The following GSG1L variants were observed in gnomAD, a reference collection of about 807,000 sequenced individuals.
GSG1L encodes GSG1 like, also known as germ cell-specific gene 1-like protein.
Under a neutral mutation model 42.1 loss-of-function variants are expected in GSG1L, and 24 were observed. That is an observed-to-expected ratio of 0.57 (90% CI 0.41 to 0.80). GSG1L has a LOEUF of 0.80. Ranked by LOEUF, GSG1L falls within the 30% of genes least tolerant of loss-of-function variation. The pLI is 0.00. For missense variants in GSG1L, 445 were observed against 472.2 expected (o/e 0.94, Z 0.53); for synonymous variants, 215 against 203.5 (o/e 1.06, Z -0.48).
chr16:27,835,289 T>C (rs1220866010), intron 4 of GSG1L, among the ~76,000 whole-genome samples: 2 of 152,182 alleles, frequency 1.3e-5, no homozygotes, highest in Non-Finnish European at 2.9e-5. Context: ...TGCCTGAGTC[T>C]ACTTTATCTA....
At chr16:27,797,078 T>C (rs1028920314) in intron 6 of GSG1L, among the ~76,000 whole-genome samples, 5 of 152,168 alleles carry the variant, frequency 3.3e-5, no homozygotes, top group African/African-American at 1.2e-4. Context: ...GCCATTATTA[T>C]CCCCATTTTA....
chr16:27,824,442 G>C (rs1036417877), intron 5 of GSG1L, among the ~76,000 whole-genome samples: 15 of 152,142 alleles, frequency 9.9e-5, no homozygotes, highest in African/African-American at 3.6e-4. Context: ...CCTGGCTGCG[G>C]CTCCAAGGAT....
chr16:27,790,348 C>T lies in GSG1L; in HGVS notation c.*1022G>A, dbSNP rs536607144. ...AAATTCTTCTGGGAAGGAATAAGGC[C>T]TCTTGGGAAATGACTGAACTTGGAG... On this transcript the variant is annotated 3_prime_UTR_variant, in exon 7 of 7. Coordinates refer to ENST00000447459, the MANE Select transcript of GSG1L (RefSeq NM_001109763.2). The T allele has an allele frequency of 6.6e-5, 10 of 152,246 alleles. No individual in the cohort carries two copies. Among genetic ancestry groups the T allele is most frequent in the African/African-American group, 2.4e-4 (10 of 41,550 alleles). 9.4% of individuals were successfully genotyped at this position (152,246 alleles called of 1,614,324 possible).
chr16:27,994,446 T>C (rs1436610148), intron 1 of GSG1L, among the ~76,000 whole-genome samples: 1 of 152,198 alleles, frequency 6.6e-6, no homozygotes, highest in East Asian at 1.9e-4. Context: ...TTAACATTGC[T>C]CTAACTCTTG....
intron 3 of GSG1L, among the ~76,000 whole-genome samples, chr16:27,868,184 C>T (rs2083756629): frequency 6.6e-6 from 1 of 152,210 alleles, no homozygotes; most frequent in South Asian, 2.1e-4. Context: ...AAGGATGTGG[C>T]GGAATTTAAA....
Position 27,884,674 on chromosome 16 carries a change from G to C in GSG1L, c.398-36C>G. 6.5e-7 allele frequency: 1 copy of C among 1,548,610 alleles called. No homozygotes were observed. Among genetic ancestry groups the C allele is most frequent in the Non-Finnish European group, 8.7e-7 (1 of 1,144,806 alleles). On this transcript the variant is annotated intron_variant, in intron 2 of 6. Transcript: ENST00000447459. The surrounding 1 kb of genome is among the most constrained non-coding windows in gnomAD (Gnocchi z 4.4). Reference sequence around the variant, plus strand: ...GAGGCAGAGAGGCCGTGAGATGAGGGGCCACCCAAGATAGACTCACCCTGT... The same window carrying C: ...GAGGCAGAGAGGCCGTGAGATGAGGCGCCACCCAAGATAGACTCACCCTGT...
intron 1 of GSG1L, among the ~76,000 whole-genome samples, chr16:28,000,923 C>CT (rs1032647814): frequency 4.6e-5 from 7 of 152,184 alleles, no homozygotes; most frequent in Non-Finnish European, 1.0e-4. Flanking sequence ...CCCCACCATT[C>CT]TCCTTGCCTG....
chr16:27,896,703 C>CA (rs1163930195), intron 2 of GSG1L, among the ~76,000 whole-genome samples: 1 of 152,128 alleles, frequency 6.6e-6, no homozygotes, highest in Non-Finnish European at 1.5e-5. Context: ...GGGTCAGAGA[C>CA]AGAGAAGGAG....
intron 2 of GSG1L, among the ~76,000 whole-genome samples, chr16:27,934,451 C>CTAT (rs2084692345): frequency 6.6e-6 from 1 of 152,196 alleles, no homozygotes; most frequent in Non-Finnish European, 1.5e-5. Context: ...AGGAGAATCG[C>CTAT]TTGAACCTGG....
At chr16:28,050,738 CA>C (rs2086213314) in intron 1 of GSG1L, among the ~76,000 whole-genome samples, 1 of 152,142 alleles carries the variant, frequency 6.6e-6, no homozygotes. Flanking sequence ...TATTAGCCTT[CA>C]CCAACTCAGA....
chr16:27,856,962 G>A (rs1471412269), intron 3 of GSG1L, among the ~76,000 whole-genome samples: 1 of 152,208 alleles, frequency 6.6e-6, no homozygotes, highest in Non-Finnish European at 1.5e-5. Context: ...GCACACACCA[G>A]TTCTCTTGGA....
At chr16:27,870,481 G>C (rs1440322649) in intron 3 of GSG1L, among the ~76,000 whole-genome samples, 1 of 150,908 alleles carries the variant, frequency 6.6e-6, no homozygotes, top group Non-Finnish European at 1.5e-5. Flanking sequence ...CCTTAAGTGT[G>C]TGTCTCCCTC....
At chr16:28,050,948 C>T (rs1044540792) in intron 1 of GSG1L, among the ~76,000 whole-genome samples, 17 of 152,262 alleles carry the variant, frequency 1.1e-4, no homozygotes, top group African/African-American at 2.2e-4. Flanking sequence ...AGGTTACATG[C>T]GCAAATGAAG....
intron 3 of GSG1L, among the ~76,000 whole-genome samples, chr16:27,875,180 C>A (rs1447236988): frequency 6.6e-6 from 1 of 152,170 alleles, no homozygotes; most frequent in Non-Finnish European, 1.5e-5. Context: ...GTGGAGAAGG[C>A]TGGAGATTAT....
At chr16:27,842,646 C>T (rs779544699) in intron 4 of GSG1L, among the ~76,000 whole-genome samples, 43 of 151,988 alleles carry the variant, frequency 2.8e-4, no homozygotes, top group Admixed American at 3.9e-4. Context: ...AGCTGGCTTC[C>T]CTGGGATTGT....
intron 5 of GSG1L, among the ~76,000 whole-genome samples, chr16:27,811,858 C>T (rs933106681): frequency 6.6e-6 from 1 of 152,086 alleles, no homozygotes; most frequent in Non-Finnish European, 1.5e-5. Context: ...GCCATGTTGA[C>T]CAGGCTGGTC....
intron 5 of GSG1L, among the ~76,000 whole-genome samples, chr16:27,828,263 G>A (rs4787996): frequency 8.8e-4 from 132 of 150,562 alleles, no homozygotes; most frequent in African/African-American, 3.0e-3. Flanking sequence ...CCATCCACCC[G>A]CTCACCTGTC....
rs535903564 is a variant in GSG1L, at chr16:27,889,984, C to T, written c.398-5346G>A. 1.2e-4 allele frequency among the ~76,000 whole-genome samples: 18 copies of T among 152,306 alleles called. No individual in the cohort carries two copies. The South Asian group carries it at 3.5e-3, about 30-fold the overall frequency. ...GGGATTAAGCAACTGCTCTATACACCTAGGTAGTGGCATAGTCTAGATTCA... is the reference window on the plus strand; with the variant it reads ...GGGATTAAGCAACTGCTCTATACACTTAGGTAGTGGCATAGTCTAGATTCA... On this transcript the variant is annotated intron_variant, in intron 2 of 6. Coordinates refer to ENST00000447459, the MANE Select transcript of GSG1L (RefSeq NM_001109763.2).
At position 27,869,661 on chromosome 16, in the gene GSG1L, ATC is replaced by A. The variant is rs779110182; in HGVS notation, c.550+14823_550+14824del. On this transcript the variant is annotated intron_variant, in intron 3 of 6. Coordinates refer to ENST00000447459, the MANE Select transcript of GSG1L (RefSeq NM_001109763.2). ...CTCTCTCTCCTCTCTGTCTTCCTCC[ATC>A]TCTCTCTCTCTCCTTCTCTCTCTGT... Among the ~76,000 whole-genome samples the A allele has an allele frequency of 5.4e-4, 33 of 61,440 alleles. 1 individual carries two copies. In the South Asian group the frequency reaches 7.5e-3, roughly 14 times the overall value. The allele number at this position is 61,440 out of a possible 152,430, so 40.3% of individuals were successfully genotyped here.
Sources: gnomAD v4.1 joint callset for allele counts (sites outside exome capture counted in the v4.1 genomes callset) on GRCh38, gnomAD v4.1.1 for gene constraint, Gnocchi (gnomAD v3.1) non-coding constraint, MANE v1.5 for transcripts, NCBI Gene and HGNC (gene_info 2026-07-23, HGNC 2026-07-21) for gene names.